Variants in DYNC1I1 observed in about 807,000 individuals in gnomAD.
The protein encoded by DYNC1I1 is dynein cytoplasmic 1 intermediate chain 1, also known as cytoplasmic dynein 1 intermediate chain 1.
A neutral mutation model predicts 86.6 loss-of-function variants in DYNC1I1; 43 were observed. That is an observed-to-expected ratio of 0.50 (90% confidence interval 0.39 to 0.64). The LOEUF (loss-of-function observed/expected upper bound fraction) is 0.64. Among genes scored for constraint, DYNC1I1 ranks in the 30% least tolerant of loss-of-function variants. The pLI, the probability that DYNC1I1 is intolerant of heterozygous loss-of-function variation, is 0.00. For missense variants in DYNC1I1, 604 were observed against 788.8 expected (o/e 0.77, Z 2.81); for synonymous variants, 262 against 283.7 (o/e 0.92, Z 0.77).
chr7:96,032,061 A>C (rs1331134465), intron 11 of DYNC1I1, among the ~76,000 whole-genome samples: 1 of 152,154 alleles, frequency 6.6e-6, no homozygotes, highest in Non-Finnish European at 1.5e-5. Flanking sequence ...ATATATTATT[A>C]TCCTAGATTT....
intron 3 of DYNC1I1, among the ~76,000 whole-genome samples, chr7:95,811,178 AC>A (rs1246247624): frequency 6.6e-6 from 1 of 152,108 alleles, no homozygotes; most frequent in African/African-American, 2.4e-5. Context: ...GTTGAAGGTA[AC>A]TTGTGCATAT....
chr7:95,905,701 C>CT (rs200103877), intron 6 of DYNC1I1, among the ~76,000 whole-genome samples: 2,237 of 142,926 alleles, frequency 0.016, 31 homozygotes, highest in East Asian at 0.03. Flanking sequence ...TGTGTCTGGG[C>CT]TTTTTTTTTT....
intron 4 of DYNC1I1, among the ~76,000 whole-genome samples, chr7:95,814,987 T>TGG (rs4014677): frequency 0.014 from 2,048 of 151,450 alleles, 99 homozygotes; most frequent in Admixed American, 0.094. Flanking sequence ...TCACATTTCT[T>TGG]GGGGGGGGTC....
intron 14 of DYNC1I1, among the ~76,000 whole-genome samples, chr7:96,063,653 C>T (rs1270701437): frequency 3.3e-5 from 5 of 152,124 alleles, no homozygotes; most frequent in East Asian, 3.9e-4. Flanking sequence ...GATTACAGCC[C>T]GCCCATACAA....
At chr7:96,094,029 C>T (rs535464000) in intron 16 of DYNC1I1, among the ~76,000 whole-genome samples, 45 of 152,252 alleles carry the variant, frequency 3.0e-4, no homozygotes, top group African/African-American at 1.0e-3. Flanking sequence ...GGAAATGTTA[C>T]AGTTGTCACT....
intron 1 of DYNC1I1, among the ~76,000 whole-genome samples, chr7:95,784,085 T>C (rs2115669161): frequency 6.6e-6 from 1 of 152,284 alleles, no homozygotes; most frequent in Non-Finnish European, 1.5e-5. Flanking sequence ...TTCCTGGGAT[T>C]CTGGAAGACT....
chr7:95,836,460 C>A (rs1294506847), intron 5 of DYNC1I1, among the ~76,000 whole-genome samples: 1 of 151,412 alleles, frequency 6.6e-6, no homozygotes, highest in African/African-American at 2.4e-5. Flanking sequence ...AGTTGCTCTT[C>A]TCGAGGAGTA....
intron 1 of DYNC1I1, among the ~76,000 whole-genome samples, chr7:95,801,155 C>T (rs1463237179): frequency 3.3e-5 from 5 of 152,040 alleles, no homozygotes; most frequent in African/African-American, 1.2e-4. Flanking sequence ...AATGGAAAGC[C>T]CTTTACAGTT....
At chr7:96,064,208 A>ATCTCTCTCTC (rs1341363966) in intron 14 of DYNC1I1, among the ~76,000 whole-genome samples, 1 of 122,894 alleles carries the variant, frequency 8.1e-6, no homozygotes, top group African/African-American at 3.5e-5. Context: ...AGAAATATTC[A>ATCTCTCTCTC]TATCTCTCTC....
chr7:95,850,044 G>C (rs1396760565), intron 5 of DYNC1I1, among the ~76,000 whole-genome samples: 5 of 152,000 alleles, frequency 3.3e-5, no homozygotes, highest in Non-Finnish European at 5.9e-5. Context: ...ACTAATTTTT[G>C]TATATTGACT....
chr7:95,866,067 C>T (rs771709490), intron 5 of DYNC1I1, among the ~76,000 whole-genome samples: 3 of 152,078 alleles, frequency 2.0e-5, no homozygotes, highest in African/African-American at 4.8e-5. Flanking sequence ...CTAGAAGGCA[C>T]GGGAACTGCA....
intron 14 of DYNC1I1, among the ~76,000 whole-genome samples, chr7:96,070,042 AT>A (rs1790113577): frequency 6.6e-6 from 1 of 152,192 alleles, no homozygotes; most frequent in African/African-American, 2.4e-5. Flanking sequence ...TTTATGTCCA[AT>A]TTTGAATTTC....
chr7:95,808,974 T>G (rs1265625323), intron 2 of DYNC1I1, among the ~76,000 whole-genome samples: 1 of 152,156 alleles, frequency 6.6e-6, no homozygotes, highest in Non-Finnish European at 1.5e-5. Flanking sequence ...TTTCAGTAGT[T>G]TAAATGTTAA....
intron 6 of DYNC1I1, among the ~76,000 whole-genome samples, chr7:95,952,697 T>A (rs319344): frequency 0.81 from 123,757 of 152,124 alleles, 50,760 homozygotes; most frequent in East Asian, 0.92. Flanking sequence ...ACCTTTTTGT[T>A]TAAATGGAGA....
intron 12 of DYNC1I1, among the ~76,000 whole-genome samples, chr7:96,034,011 T>G (rs1339694198): frequency 6.6e-6 from 1 of 151,772 alleles, no homozygotes; most frequent in African/African-American, 2.4e-5. Flanking sequence ...CTTTGTCTCT[T>G]GAAAAAAATA....
rs185227943 is a variant in DYNC1I1, at chr7:95,952,958, A to G, written c.491-24554A>G. Among the ~76,000 whole-genome samples the G allele has an allele frequency of 4.6e-3, 696 of 152,032 alleles. 8 individuals carry two copies. The highest frequency in any genetic ancestry group is 3.5e-3 in the Non-Finnish European group (235 of 67,998). ...AGAGCTCAGCTTTCACTAGATCTCA[A>G]GAGTCCAGGGGTGACCATAGAGCAG... On this transcript the variant is annotated intron_variant, in intron 6 of 16. Transcript: ENST00000447467.
chr7:95,848,111 T>C (rs1433123125), intron 5 of DYNC1I1, among the ~76,000 whole-genome samples: 2 of 152,118 alleles, frequency 1.3e-5, no homozygotes, highest in Non-Finnish European at 1.5e-5. Context: ...ATAGTTATCA[T>C]AGTTATGGTG....
At position 95,814,720 on chromosome 7, in the gene DYNC1I1, G is replaced by C. The variant is rs376152005; in HGVS notation, c.314+1383G>C. Among the ~76,000 whole-genome samples, 7 of 152,022 alleles carry C rather than the reference G, an allele frequency of 4.6e-5. No individual in the cohort carries two copies. In the East Asian group the frequency reaches 1.2e-3, roughly 25 times the overall value. ...TTATGTTACCTATTTCTGCCTGTTG[G>C]TGTCCTTCAGACTTGAATATTTTGT... On this transcript the variant is annotated intron_variant, in intron 4 of 16. Coordinates refer to ENST00000447467, the MANE Select transcript of DYNC1I1 (RefSeq NM_001135556.2).
chr7:96,037,149 C>T (rs1333770126), intron 13 of DYNC1I1, among the ~76,000 whole-genome samples: 1 of 152,134 alleles, frequency 6.6e-6, no homozygotes, highest in Non-Finnish European at 1.5e-5. Context: ...CTGTTCTGCA[C>T]GTAGAAACAA....
Sources: gnomAD v4.1 joint callset for allele counts (sites outside exome capture counted in the v4.1 genomes callset) on GRCh38, gnomAD v4.1.1 for gene constraint, MANE v1.5 for transcripts, NCBI Gene and HGNC (gene_info 2026-07-23, HGNC 2026-07-21) for gene names.